TLR2: variants seen among roughly 807,000 people sequenced by gnomAD.
TLR2 encodes the protein toll-like receptor 2.
A neutral mutation model predicts 9.1 loss-of-function variants in TLR2; 7 were observed. The ratio of observed to expected loss-of-function variants is 0.77; its 90% CI spans 0.44 to 1.44. The LOEUF is 1.44. Ranked by LOEUF, TLR2 falls within the 40% of genes most tolerant of loss-of-function variation. The probability of loss-of-function intolerance (pLI) is 0.01; values close to 1 mark genes in which losing one functional copy is unlikely to be tolerated. For synonymous variants in TLR2, 317 were observed against 344.6 expected (o/e 0.92, Z 0.89); for missense variants, 812 against 904.6 (o/e 0.90, Z 1.31).
chr4:153,702,711 T>C, intron 2 of TLR2, 181 bp from the exon 3 acceptor site: 1 of 604,698 alleles, frequency 1.7e-6, no homozygotes, highest in South Asian at 2.4e-5. Flanking sequence ...GAATTCATTT[T>C]TTTATCCCCA....
At chr4:153,697,918 G>A (rs1009165192) in intron 2 of TLR2, among the ~76,000 whole-genome samples, 2 of 152,108 alleles carry the variant, frequency 1.3e-5, no homozygotes, top group African/African-American at 4.8e-5. Context: ...ATGTGTTGCA[G>A]AAGTAATACA....
downstream of TLR2, chr4:153,710,422 G>A (rs1308571941): frequency 1.3e-6 from 2 of 1,585,788 alleles, no homozygotes; most frequent in African/African-American, 1.3e-5. Context: ...ATCACCACAG[G>A]TTGCCAGGCC....
rs186244727 is a variant in TLR2 at position 153,697,719 on chromosome 4, A to G, written c.-16-5173A>G. 8.9e-4 allele frequency among the ~76,000 whole-genome samples: 136 copies of G among 152,294 alleles called. 1 individual carries two copies. Among genetic ancestry groups the G allele is most frequent in the African/African-American group, 3.0e-3 (126 of 41,578 alleles). The stretch of plus-strand genomic sequence containing the variant: ...GATAAAAAAGAGAGATATTAAACTA[A>G]TTGGGCTTATTTGATATGTTATATT... On this transcript the variant is annotated intron_variant, in intron 2 of 2. Coordinates refer to ENST00000642700, the MANE Select transcript of TLR2 (RefSeq NM_001318789.2).
intron 2 of TLR2, among the ~76,000 whole-genome samples, chr4:153,696,580 A>G (rs895191218): frequency 6.6e-6 from 1 of 152,198 alleles, no homozygotes; most frequent in Non-Finnish European, 1.5e-5. Context: ...TTTGCTTATT[A>G]CAGAGAGACT....
chr4:153,704,709 T>G lies in TLR2; in HGVS notation c.1802T>G (p.Leu601Arg). 1 of 1,614,046 alleles carries G rather than the reference T, an allele frequency of 6.2e-7. No homozygotes were observed. ...GGCATGTGCTGTGCTCTGTTCCTGC[T>G]GATCCTGCTCACGGGGGTCCTGTGC... ...VSGMCCALFL[L>R]ILLTGVLCHR... is the part of the protein sequence containing the mutation. Residue 601 changes from leucine (L) to arginine (R), a missense_variant, in exon 3 of 3, where the codon CTG becomes CGG. Transcript: ENST00000642700.
Position 153,703,728 on chromosome 4 carries a change from A to G in TLR2, c.821A>G (p.Asn274Ser), listed in dbSNP as rs958129470. 2.5e-6 allele frequency: 4 copies of G among 1,613,932 alleles called. No individual in the cohort carries two copies. The highest frequency in any genetic ancestry group is 3.4e-6 in the Non-Finnish European group (4 of 1,179,990). Residue 274 changes from asparagine to serine, a missense_variant, in exon 3 of 3, where the codon AAT (asparagine) becomes AGT (serine). Coordinates refer to ENST00000642700, the MANE Select transcript of TLR2 (RefSeq NM_001318789.2). ...ESLFQVMKLLNQISGLLELEF... is the reference protein window; with the variant it reads ...ESLFQVMKLLSQISGLLELEF... Reference sequence around the variant, plus strand: ...TTGTTTCAGGTTATGAAACTTTTGAATCAGATTTCTGGATTGTTAGAATTA... The same window carrying G: ...TTGTTTCAGGTTATGAAACTTTTGAGTCAGATTTCTGGATTGTTAGAATTA...
intron 2 of TLR2, among the ~76,000 whole-genome samples, chr4:153,698,568 A>T (rs1057397607): frequency 6.6e-6 from 1 of 152,326 alleles, no homozygotes; most frequent in South Asian, 2.1e-4. Context: ...AGAATAGATA[A>T]CGTGAAATTA....
chr4:153,690,840 T>A (rs1364876860), intron 2 of TLR2, among the ~76,000 whole-genome samples: 2 of 152,208 alleles, frequency 1.3e-5, no homozygotes, highest in Admixed American at 1.3e-4. Context: ...TTCCCTTCAG[T>A]TAAAGGTCCT....
In TLR2 at chr4:153,703,671, C is replaced by T. The variant is rs750952282; in HGVS notation, c.764C>T (p.Thr255Ile). The T allele has an allele frequency of 6.2e-7, 1 of 1,612,752 alleles. No individual in the cohort carries two copies. Among genetic ancestry groups the T allele is most frequent in the South Asian group, 1.1e-5 (1 of 90,624 alleles). Reference sequence around the variant, plus strand: ...ACAAATTCATTGATTAAAAAGTTTACATTTAGAAATGTGAAAATCACCGAT... The same window carrying T: ...ACAAATTCATTGATTAAAAAGTTTATATTTAGAAATGTGAAAATCACCGAT... ...GETNSLIKKF[T>I]FRNVKITDES... Residue 255 changes from threonine (T) to isoleucine (I), a missense_variant, in exon 3 of 3, where the codon ACA becomes ATA. Coordinates refer to ENST00000642700, the MANE Select transcript of TLR2 (RefSeq NM_001318789.2).
chr4:153,708,104 A>C (rs1195038781), downstream of TLR2, among the ~76,000 whole-genome samples: 4 of 152,210 alleles, frequency 2.6e-5, no homozygotes, highest in African/African-American at 7.2e-5. Context: ...TAAATACTTA[A>C]ATTTTATAAA....
At chr4:153,700,794 C>T (rs11938228) in intron 2 of TLR2, among the ~76,000 whole-genome samples, 8 of 151,868 alleles carry the variant, frequency 5.3e-5, no homozygotes, top group African/African-American at 1.7e-4. Context: ...TAGGGATAGA[C>T]AAATGAACAT....
chr4:153,698,756 AATC>A (rs771655971), intron 2 of TLR2, among the ~76,000 whole-genome samples: 7 of 152,214 alleles, frequency 4.6e-5, no homozygotes, highest in Non-Finnish European at 7.3e-5. Flanking sequence ...CCTCATTGGG[AATC>A]TGCAGGAAAC....
chr4:153,695,259 A>G (rs538583761), intron 2 of TLR2, among the ~76,000 whole-genome samples: 4 of 152,336 alleles, frequency 2.6e-5, no homozygotes, highest in South Asian at 4.1e-4. Context: ...ATTGTTCTCC[A>G]TAGTGGTTGT....
At chr4:153,689,058 A>G (rs1002878596) in intron 2 of TLR2, among the ~76,000 whole-genome samples, 2 of 152,240 alleles carry the variant, frequency 1.3e-5, no homozygotes, top group African/African-American at 4.8e-5. Context: ...TAATGGGTTA[A>G]TCACTGCTAA....
In TLR2 at chr4:153,705,715, CTT is replaced by C. The variant is rs1737292792; in HGVS notation, c.*457_*458del. On this transcript the variant is annotated 3_prime_UTR_variant, in exon 3 of 3. Coordinates refer to ENST00000642700, the MANE Select transcript of TLR2 (RefSeq NM_001318789.2). ...AATACTATGTAAATAGTTGTACTGT[CTT>C]TTTATTTATATTATTATTGTTATTT... 6.0e-6 allele frequency: 1 copy of C among 166,704 alleles called. No homozygotes were observed. The highest frequency in any genetic ancestry group is 2.1e-4 in the South Asian group (1 of 4,828). 10.3% of individuals were successfully genotyped at this position (166,704 alleles called of 1,614,324 possible). A position where few individuals can be genotyped will look rare whatever the true frequency, so the allele number is the denominator to read the frequency against.
At position 153,704,176 on chromosome 4, in the gene TLR2, T is replaced by C. The variant is rs758539428; in HGVS notation, c.1269T>C (p.Asn423=). The C allele has an allele frequency of 1.2e-6, 2 of 1,613,954 alleles. No homozygotes were observed. The highest frequency in any genetic ancestry group is 1.7e-6 in the Non-Finnish European group (2 of 1,179,994). The part of the protein sequence containing the change: ...KNLTNIDISK[N]SFHSMPETCQ... The stretch of plus-strand genomic sequence containing the variant: ...TGACTAACATTGATATCAGTAAGAA[T>C]AGTTTTCATTCTATGCCTGAAACTT... Residue 423 remains asparagine, a synonymous_variant, in exon 3 of 3, where the codon AAT becomes AAC. Transcript: ENST00000642700.
chr4:153,710,228 C>T (rs1344036129), downstream of TLR2: 11 of 603,146 alleles, frequency 1.8e-5, no homozygotes, highest in East Asian at 2.9e-4. Flanking sequence ...TAAATTCTTT[C>T]CACATGGACA....
Position 153,704,504 on chromosome 4 carries a change from A to G in TLR2, c.1597A>G (p.Asn533Asp). The G allele has an allele frequency of 6.2e-7, 1 of 1,614,044 alleles. No homozygotes were observed. Among genetic ancestry groups the G allele is most frequent in the Non-Finnish European group, 8.5e-7 (1 of 1,179,938 alleles). ...HTLKTLEAGGNNFICSCEFLS... is the reference protein window; with the variant it reads ...HTLKTLEAGGDNFICSCEFLS... The stretch of plus-strand genomic sequence containing the variant: ...ACTGAAGACTTTGGAAGCTGGTGGC[A>G]ATAACTTCATTTGCTCCTGTGAATT... The change falls in exon 3 of 3, where the codon AAT becomes GAT. Residue 533 changes from asparagine to aspartate, a missense_variant. Physicochemically the swap from Asn to Asp is conservative, Grantham distance 23. Coordinates refer to ENST00000642700, the MANE Select transcript of TLR2 (RefSeq NM_001318789.2).
rs144922750 is a variant in TLR2 at position 153,697,234 on chromosome 4, C to T, written c.-16-5658C>T. Among the ~76,000 whole-genome samples, 757 of 152,030 alleles carry T rather than the reference C, an allele frequency of 5.0e-3. 6 individuals are homozygous for T. The highest frequency in any genetic ancestry group is 0.017 in the African/African-American group (726 of 41,490). ...ATATCAAAAACATACTGACACAGAA[C>T]TAGAAATTTGTCCTCTATGTTAAAA... On this transcript the variant is annotated intron_variant, in intron 2 of 2. Transcript: ENST00000642700.
Sources: allele counts gnomAD v4.1 joint callset (sites outside exome capture counted in the v4.1 genomes callset), GRCh38; gene constraint gnomAD v4.1.1; transcripts MANE v1.5; gene names NCBI Gene and HGNC (gene_info 2026-07-23, HGNC 2026-07-21).